Variants in EYS observed in about 807,000 individuals in gnomAD.
EYS encodes the protein protein eyes shut homolog.
A neutral mutation model predicts 282.1 loss-of-function variants in EYS; 250 were observed. The observed-to-expected ratio is 0.89, with a 90% confidence interval of 0.80 to 0.98. EYS has a LOEUF of 0.98. EYS is among the 50% of genes least tolerant of loss of function. The pLI is 0.00. For missense variants in EYS, 4,016 were observed against 3,709.0 expected (o/e 1.08, Z -2.15); for synonymous variants, 1,355 against 1,282.9 (o/e 1.06, Z -1.20).
At chr6:65,216,393 A>G (rs1175718966) in intron 12 of EYS, among the ~76,000 whole-genome samples, 1 of 152,026 alleles carries the variant, frequency 6.6e-6, no homozygotes, top group Non-Finnish European at 1.5e-5. Flanking sequence ...ATGAAATATG[A>G]ATAAGTTTAT....
In EYS at chr6:64,088,812, T is replaced by C. The variant is rs574275053; in HGVS notation, c.6425-6810A>G. On this transcript the variant is annotated intron_variant, in intron 31 of 42. Transcript: ENST00000503581. ...TTAGCAGAATAAAAGTTAGTGATTC[T>C]GAATAGAAATGATGCCCCTTTGTCT... Among the ~76,000 whole-genome samples, 179 of 152,118 alleles carry C rather than the reference T, an allele frequency of 1.2e-3. 1 individual carries two copies. The highest frequency in any genetic ancestry group is 1.8e-3 in the Non-Finnish European group (121 of 67,884).
chr6:64,626,302 CT>C (rs920397597), intron 22 of EYS, 57 bp from the exon 23 acceptor site: 8 of 1,482,644 alleles, frequency 5.4e-6, no homozygotes, highest in Non-Finnish European at 7.1e-6. Flanking sequence ...AGCACTATCA[CT>C]TTTCATCTTG....
intron 30 of EYS, among the ~76,000 whole-genome samples, chr6:64,264,124 G>A (rs75808238): frequency 0.038 from 5,801 of 152,010 alleles, 265 homozygotes; most frequent in African/African-American, 0.11. Flanking sequence ...AACAATGAAT[G>A]CCTGTATGGT....
intron 1 of EYS, among the ~76,000 whole-genome samples, chr6:65,642,288 G>T (rs889442858): frequency 6.6e-6 from 1 of 151,892 alleles, no homozygotes; most frequent in Admixed American, 6.6e-5. Flanking sequence ...ACCTTTGATC[G>T]AGCTAAGCAT....
intron 12 of EYS, among the ~76,000 whole-genome samples, chr6:65,264,394 G>C (rs1049306706): frequency 6.6e-6 from 1 of 152,022 alleles, no homozygotes; most frequent in African/African-American, 2.4e-5. Flanking sequence ...AACATGCAGA[G>C]AATGAGACTG....
At chr6:64,264,769 G>T (rs113311245) in intron 30 of EYS, among the ~76,000 whole-genome samples, 1,613 of 151,990 alleles carry the variant, frequency 0.011, 32 homozygotes, top group African/African-American at 0.036. Flanking sequence ...AATTTTCCGG[G>T]TGTGGGCTCC....
At chr6:64,244,449 T>C (rs1766940699) in intron 30 of EYS, among the ~76,000 whole-genome samples, 1 of 152,206 alleles carries the variant, frequency 6.6e-6, no homozygotes, top group Non-Finnish European at 1.5e-5. Flanking sequence ...TTTGTCTTTG[T>C]TGAACAGAAC....
chr6:64,731,447 G>A (rs991853517), intron 22 of EYS, among the ~76,000 whole-genome samples: 5 of 152,100 alleles, frequency 3.3e-5, no homozygotes, highest in African/African-American at 1.2e-4. Context: ...GAATCTACAA[G>A]GAACTTAAAC....
At chr6:65,182,203 T>C (rs1353041547) in intron 12 of EYS, among the ~76,000 whole-genome samples, 1 of 151,104 alleles carries the variant, frequency 6.6e-6, no homozygotes, top group East Asian at 2.0e-4. Flanking sequence ...AACTAAAGTA[T>C]AATAAAAATA....
chr6:63,775,000 C>CT (rs1425926194), intron 40 of EYS, among the ~76,000 whole-genome samples: 5 of 151,298 alleles, frequency 3.3e-5, no homozygotes, highest in Admixed American at 1.3e-4. Context: ...TTAATGTAAC[C>CT]TTTTTTCTTT....
chr6:64,924,344 C>A (rs934961425), intron 15 of EYS, among the ~76,000 whole-genome samples: 1 of 152,178 alleles, frequency 6.6e-6, no homozygotes, highest in South Asian at 2.1e-4. Context: ...TATGGTGACC[C>A]TGGGCCCAGC....
rs954218858 is a variant in EYS, at chr6:65,013,560, C to A, written c.2138-15857G>T. ...AAGATCCCCACCACTAGTGTACATA[C>A]CCCATGTAATTCCCTCACTTTAAAT... On this transcript the variant is annotated intron_variant, in intron 13 of 42. Coordinates refer to ENST00000503581, the MANE Select transcript of EYS (RefSeq NM_001142800.2). Among the ~76,000 whole-genome samples, 9 of 152,154 alleles carry A rather than the reference C, an allele frequency of 5.9e-5. No homozygotes were observed. In the East Asian group the frequency reaches 1.7e-3, roughly 29 times the overall value.
At chr6:65,583,370 A>G (rs1764934402) in intron 2 of EYS, among the ~76,000 whole-genome samples, 1 of 152,066 alleles carries the variant, frequency 6.6e-6, no homozygotes, top group Non-Finnish European at 1.5e-5. Flanking sequence ...GACAATTACT[A>G]TGCTTTTCGT....
intron 22 of EYS, among the ~76,000 whole-genome samples, chr6:64,722,984 G>T (rs908856256): frequency 2.6e-5 from 4 of 151,654 alleles, no homozygotes; most frequent in African/African-American, 9.7e-5. Flanking sequence ...ATACTTTTAG[G>T]TCAGTATATC....
chr6:64,075,719 A>G (rs1248802113), intron 32 of EYS, among the ~76,000 whole-genome samples: 1 of 151,992 alleles, frequency 6.6e-6, no homozygotes, highest in Non-Finnish European at 1.5e-5. Flanking sequence ...TACAAGAGGA[A>G]AGGAGTTAAA....
At chr6:64,846,250 C>T (rs1412144264) in intron 19 of EYS, among the ~76,000 whole-genome samples, 2 of 152,186 alleles carry the variant, frequency 1.3e-5, no homozygotes, top group South Asian at 2.1e-4. Context: ...TAAAACATTG[C>T]AATGTGAAAG....
chr6:63,869,135 T>C (rs1772738513), intron 35 of EYS, among the ~76,000 whole-genome samples: 1 of 152,162 alleles, frequency 6.6e-6, no homozygotes, highest in Non-Finnish European at 1.5e-5. Context: ...GAAACTTTTT[T>C]CTTTATATGA....
At chr6:64,367,738 C>T (rs1011700847) in intron 29 of EYS, among the ~76,000 whole-genome samples, 2 of 152,012 alleles carry the variant, frequency 1.3e-5, no homozygotes, top group Non-Finnish European at 2.9e-5. Context: ...AAGAGCTGTA[C>T]TTATGCAACG....
intron 12 of EYS, among the ~76,000 whole-genome samples, chr6:65,239,370 G>A (rs1022543073): frequency 2.0e-5 from 3 of 151,880 alleles, no homozygotes; most frequent in African/African-American, 7.3e-5. Context: ...AAATATCTTG[G>A]TACAAATTAT....
Sources: gnomAD v4.1 joint callset for allele counts (sites outside exome capture counted in the v4.1 genomes callset) on GRCh38, gnomAD v4.1.1 for gene constraint, MANE v1.5 for transcripts, NCBI Gene and HGNC (gene_info 2026-07-23, HGNC 2026-07-21) for gene names.